Variants in WDR90 observed in about 807,000 individuals in gnomAD.
WDR90 encodes WD repeat-containing protein 90.
In WDR90, 238 loss-of-function variants were observed where a neutral mutation model predicts 195.2. That is an observed-to-expected ratio of 1.22 (90% CI 1.10 to 1.36). The LOEUF (loss-of-function observed/expected upper bound fraction) is 1.36, where lower values mean the gene tolerates loss of function less well. Among genes scored for constraint, WDR90 ranks in the 40% most tolerant of loss-of-function variants. The pLI is 0.00. For missense variants in WDR90, 2,734 were observed against 2,439.5 expected (o/e 1.12, Z -2.54); for synonymous variants, 1,265 against 1,052.4 (o/e 1.20, Z -3.91).
intron 17 of WDR90, 167 bp downstream of exon 17, chr16:656,056 G>C (rs1342115954): frequency 1.1e-6 from 1 of 909,342 alleles, no homozygotes; most frequent in African/African-American, 1.7e-5. Context: ...GCTGATGCCA[G>C]GGCGGCCCGC....
intron 34 of WDR90, chr16:665,265 C>A (rs1483613695): frequency 2.6e-6 from 1 of 384,772 alleles, no homozygotes; most frequent in Non-Finnish European, 4.6e-6. Flanking sequence ...TGTCTTTCAG[C>A]CTCAGTCTGC....
chr16:654,612 T>A (rs2037709458), intron 13 of WDR90: 1 of 167,786 alleles, frequency 6.0e-6, no homozygotes. Flanking sequence ...GGTCTCACGT[T>A]TTGTTTTTTT....
chr16:656,944 G>A, intron 19 of WDR90, 73 bp downstream of exon 19: 1 of 1,569,786 alleles, frequency 6.4e-7, no homozygotes, highest in African/African-American at 1.4e-5. Flanking sequence ...TGGGGGTCAT[G>A]TGCAGGATGG....
chr16:666,477 G>C lies in WDR90; in HGVS notation c.4763G>C (p.Gly1588Ala). Residue 1588 changes from glycine to alanine, a missense_variant, in exon 38 of 41, where the codon GGC becomes GCC. Coordinates refer to ENST00000293879, the MANE Select transcript of WDR90 (RefSeq NM_145294.5). Reference sequence around the variant, plus strand: ...CAGTGTGAAGACTTAGGGGTGGAGGGCACAGACCTATGGCTGGCTGCCAGT... The same window carrying C: ...CAGTGTGAAGACTTAGGGGTGGAGGCCACAGACCTATGGCTGGCTGCCAGT... ...CKECEDLGVE[G>A]TDLWLAASGD... 6.2e-7 allele frequency: 1 copy of C among 1,612,578 alleles called. No homozygotes were observed.
chr16:667,067 G>A, intron 40 of WDR90, 78 bp downstream of exon 40: 1 of 1,443,084 alleles, frequency 6.9e-7, no homozygotes. Flanking sequence ...TTCCAAGACA[G>A]GTGCCTCACC....
Position 656,829 on chromosome 16 carries a change from G to T in WDR90, c.2300G>T (p.Arg767Leu). 6.2e-7 allele frequency: 1 copy of T among 1,612,980 alleles called. No homozygotes were observed. The highest frequency in any genetic ancestry group is 1.1e-5 in the South Asian group (1 of 91,086). ...TGTGGCTTTAGCAGTGGGGCCGTGC[G>T]CTCCTTCAGCCTGGAGGCCGCTGAG... ...FFCGFSSGAV[R>L]SFSLEAAEVL... The change falls in exon 19 of 41, where the codon CGC (arginine) becomes CTC (leucine). Residue 767 changes from arginine to leucine, a missense_variant. Coordinates refer to ENST00000293879, the MANE Select transcript of WDR90 (RefSeq NM_145294.5).
At position 662,760 on chromosome 16, in the gene WDR90, CGTG is replaced by C. The variant is rs1567222099; in HGVS notation, c.4229_4231del (p.Val1410del). On this transcript the variant is annotated inframe_deletion, in exon 34 of 41. Coordinates refer to ENST00000293879, the MANE Select transcript of WDR90 (RefSeq NM_145294.5). ...TCGATGACAGCGTGGACATGGGCGT[CGTG>C]GGCACCACGGCGGGCACGCTGTGGT... 1.2e-6 allele frequency: 2 copies of C among 1,607,126 alleles called. No homozygotes were observed. Among genetic ancestry groups the C allele is most frequent in the East Asian group, 2.2e-5 (1 of 44,716 alleles).
At chr16:660,986 CCAGG>C (rs1567220528) in intron 28 of WDR90, 61 bp from the exon 29 acceptor site, 3 of 136,240 alleles carry the variant, frequency 2.2e-5, no homozygotes, top group South Asian at 1.9e-4. Flanking sequence ...CGGCCCCTCC[CCAGG>C]CCCCTCCCCG....
Position 667,461 on chromosome 16 carries a change from ATGGGGAC to A in WDR90, c.5122_5128del (p.Gly1708ProfsTer104). On this transcript the variant is annotated frameshift_variant, in exon 41 of 41. Transcript: ENST00000293879. LOFTEE classifies it low-confidence loss of function (END_TRUNC). The stretch of plus-strand genomic sequence containing the variant: ...CATGCTGAGGCTGGTAGACTGTGCC[ATGGGGAC>A]TGCCCAAGACTTTGCCGGCCACGAC... 6.2e-7 allele frequency: 1 copy of A among 1,607,112 alleles called. No homozygotes were observed. The highest frequency in any genetic ancestry group is 8.5e-7 in the Non-Finnish European group (1 of 1,175,386).
rs746858783 is a variant in WDR90, at chr16:657,855, G to A, written c.2567G>A (p.Cys856Tyr). ...RLLAFVGPSR[C>Y]TVTVMGSASL... The stretch of plus-strand genomic sequence containing the variant: ...CTGGCCTTTGTGGGACCCTCCAGGT[G>A]CACAGTGACAGTCATGGGCTCGGCC... Residue 856 changes from cysteine to tyrosine, a missense_variant, in exon 21 of 41, where the codon TGC becomes TAC. Physicochemically the swap from Cys to Tyr is radical, Grantham distance 194. Transcript: ENST00000293879. The A allele has an allele frequency of 3.8e-6, 6 of 1,589,848 alleles. No homozygotes were observed. The Admixed American group carries it at 7.1e-5, about 19-fold the overall frequency.
intron 31 of WDR90, 41 bp from the exon 32 acceptor site, chr16:661,850 C>A (rs373402461): frequency 2.5e-6 from 4 of 1,592,208 alleles, no homozygotes; most frequent in Non-Finnish European, 3.4e-6. Context: ...GCCTGGGCCC[C>A]GGGACACTGC....
intron 34 of WDR90, 54 bp from the exon 35 acceptor site, chr16:665,625 C>T (rs562298066): frequency 1.1e-5 from 17 of 1,611,204 alleles, no homozygotes; most frequent in African/African-American, 9.3e-5. Context: ...ATGCCTGCGT[C>T]CCTTTACCCT....
At chr16:654,923 C>T in intron 13 of WDR90, 106 bp from the exon 14 acceptor site, 1 of 1,061,792 alleles carries the variant, frequency 9.4e-7, no homozygotes. Flanking sequence ...AGGCTGGTCT[C>T]CGCATGAGAG....
rs972817559 is a variant in WDR90 at position 650,536 on chromosome 16, C to A, written c.389-3C>A. 1.2e-6 allele frequency: 2 copies of A among 1,600,412 alleles called. No homozygotes were observed. The highest frequency in any genetic ancestry group is 1.3e-5 in the African/African-American group (1 of 74,668). On this transcript the variant is annotated splice_polypyrimidine_tract_variant and splice_region_variant and intron_variant, in intron 4 of 40. Coordinates refer to ENST00000293879, the MANE Select transcript of WDR90 (RefSeq NM_145294.5). ...GCGCTGACCCTGAGTGCCCATCCTGCAGATCTGGTGGGTTTGGCCCCCTCC... is the reference window on the plus strand; with the variant it reads ...GCGCTGACCCTGAGTGCCCATCCTGAAGATCTGGTGGGTTTGGCCCCCTCC...
At chr16:652,808 G>A (rs748320809) in intron 10 of WDR90, among the ~76,000 whole-genome samples, 3 of 152,202 alleles carry the variant, frequency 2.0e-5, no homozygotes, top group Admixed American at 6.5e-5. Context: ...TGCTCCCCCC[G>A]AAGACCCAGA....
rs575090593 is a variant in WDR90 at position 660,551 on chromosome 16, G to C, written c.3289-61G>C. The C allele has an allele frequency of 3.2e-4, 483 of 1,513,264 alleles. 6 individuals are homozygous for C. In the East Asian group the frequency reaches 0.012, roughly 37 times the overall value. 93.7% of individuals were successfully genotyped at this position (1,513,264 alleles called of 1,614,324 possible). ...GCCCCAACACAGCCTCCCATGTGCA[G>C]GCTTTGGGGCACAGGTGGCCATGCT... On this transcript the variant is annotated intron_variant, in intron 27 of 40. Transcript: ENST00000293879.
chr16:659,001 C>A lies in WDR90; in HGVS notation c.3001C>A (p.Pro1001Thr), dbSNP rs4984906. The A allele has an allele frequency of 0.43, 695,004 of 1,612,822 alleles. 169,311 individuals carry two copies. Among genetic ancestry groups the A allele is most frequent in the East Asian group, 0.97 (43,551 of 44,868 alleles). Residue 1001 changes from proline to threonine, a missense_variant, in exon 24 of 41, where the codon CCT becomes ACT. Physicochemically the swap from Pro to Thr is conservative, Grantham distance 38. Coordinates refer to ENST00000293879, the MANE Select transcript of WDR90 (RefSeq NM_145294.5). ...DAVFLWDVLA[P>T]TESDQSFPGA... ...CGTCTTCCTCTGGGATGTCCTGGCC[C>A]CTACTGAGAGGCAAGTGCCTACTCT... is the stretch of plus-strand genomic sequence containing the variant.
chr16:652,617 C>T (rs564162838), intron 10 of WDR90, 82 bp downstream of exon 10: 3 of 1,408,116 alleles, frequency 2.1e-6, no homozygotes, highest in East Asian at 2.6e-5. Flanking sequence ...AGAGGAGAGA[C>T]CTATGTCCTG....
At position 655,119 on chromosome 16, in the gene WDR90, T is replaced by A. The variant is rs1479992632; in HGVS notation, c.1528T>A (p.Phe510Ile). Reference protein sequence around the residue: ...KAHTDFDVQAFRVTFFDETRM... With the variant: ...KAHTDFDVQAIRVTFFDETRM... Reference sequence around the variant, plus strand: ...GCACACTGACTTTGACGTCCAGGCCTTCCGGGTCACCTTTTTTGATGAAAC... The same window carrying A: ...GCACACTGACTTTGACGTCCAGGCCATCCGGGTCACCTTTTTTGATGAAAC... Residue 510 changes from phenylalanine (F) to isoleucine (I), a missense_variant, in exon 14 of 41, where the codon TTC becomes ATC. Transcript: ENST00000293879. The A allele has an allele frequency of 6.2e-7, 1 of 1,612,782 alleles. No homozygotes were observed. The highest frequency in any genetic ancestry group is 2.2e-5 in the East Asian group (1 of 44,860).
Sources: allele counts gnomAD v4.1 joint callset (sites outside exome capture counted in the v4.1 genomes callset), GRCh38; gene constraint gnomAD v4.1.1; transcripts MANE v1.5; gene names NCBI Gene and HGNC (gene_info 2026-07-23, HGNC 2026-07-21).